PARL: variants seen among roughly 807,000 people sequenced by gnomAD.
The protein encoded by PARL is presenilin associated rhomboid like, also known as presenilin-associated rhomboid-like protein, mitochondrial.
PARL carries 44 observed loss-of-function variants against 51.6 expected under a neutral mutation model. The ratio of observed to expected loss-of-function variants is 0.85; its 90% CI spans 0.67 to 1.10. The LOEUF (loss-of-function observed/expected upper bound fraction) is 1.10. Ranked by LOEUF, PARL falls within the 50% of genes least tolerant of loss-of-function variation. The pLI, the probability that PARL is intolerant of heterozygous loss-of-function variation, is 0.00. For missense variants in PARL, 441 were observed against 469.5 expected, an observed-to-expected ratio of 0.94 and a Z score of 0.56; for synonymous variants, 172 against 164.0, an observed-to-expected ratio of 1.05 and a Z score of -0.37.
chr3:183,843,392 C>CA, intron 5 of PARL: 1 of 539,826 alleles, frequency 1.9e-6, no homozygotes, highest in Non-Finnish European at 2.4e-6. Context: ...TGGCATGCAC[C>CA]TGTAGTCCCA....
At position 183,875,595 on chromosome 3, in the gene PARL, G is replaced by C. The variant is rs909770830; in HGVS notation, c.126-7535C>G. On this transcript the variant is annotated intron_variant, in intron 1 of 9. Coordinates refer to ENST00000317096, the MANE Select transcript of PARL (RefSeq NM_018622.7). Reference sequence around the variant, plus strand: ...GGCTGAAAGAATTGAGGAAGCTGCAGGAAAAAAGTCTGAAGCTAGCAGAGG... The same window carrying C: ...GGCTGAAAGAATTGAGGAAGCTGCACGAAAAAAGTCTGAAGCTAGCAGAGG... Among the ~76,000 whole-genome samples the C allele has an allele frequency of 2.0e-5, 3 of 152,102 alleles. No homozygotes were observed. The South Asian group carries it at 6.2e-4, about 31-fold the overall frequency.
At chr3:183,831,271 C>T (rs931576806) in intron 9 of PARL, among the ~76,000 whole-genome samples, 1 of 152,176 alleles carries the variant, frequency 6.6e-6, no homozygotes, top group Non-Finnish European at 1.5e-5. Flanking sequence ...CCACTGCGCC[C>T]GGCCACCCAA....
intron 1 of PARL, among the ~76,000 whole-genome samples, chr3:183,870,637 T>C (rs1000734169): frequency 6.6e-6 from 1 of 152,144 alleles, no homozygotes; most frequent in Non-Finnish European, 1.5e-5. Flanking sequence ...ATCCTTCACA[T>C]TGTATTAAGC....
chr3:183,842,204 G>A (rs964425880), intron 6 of PARL, 94 bp downstream of exon 6: 18 of 1,186,814 alleles, frequency 1.5e-5, no homozygotes, highest in Admixed American at 6.7e-5. Flanking sequence ...CACTCACTAC[G>A]TGTAGAATAT....
At chr3:183,865,134 C>T (rs1371112104) in intron 3 of PARL, among the ~76,000 whole-genome samples, 1 of 151,970 alleles carries the variant, frequency 6.6e-6, no homozygotes, top group Non-Finnish European at 1.5e-5. Context: ...AAGTGAGACT[C>T]CTGTCTCCAC....
At position 183,835,589 on chromosome 3, in the gene PARL, G is replaced by A. The variant is rs529797954; in HGVS notation, c.829-1764C>T. On this transcript the variant is annotated intron_variant, in intron 7 of 9. Transcript: ENST00000317096. ...TGTGCAAGAGACTATAATTGTAGCC[G>A]GGCACGGTGGCTCACGCCTGTAATC... 4.6e-5 allele frequency among the ~76,000 whole-genome samples: 7 copies of A among 152,266 alleles called. No individual in the cohort carries two copies. In the South Asian group the frequency reaches 6.2e-4, roughly 14 times the overall value.
At chr3:183,844,736 G>T in intron 4 of PARL, 1 of 177,600 alleles carries the variant, frequency 5.6e-6, no homozygotes, top group Non-Finnish European at 1.2e-5. Flanking sequence ...CTCAGGGCAT[G>T]GTATGCTTCT....
At chr3:183,863,947 T>C (rs188418852) in intron 3 of PARL, among the ~76,000 whole-genome samples, 98 of 152,328 alleles carry the variant, frequency 6.4e-4, no homozygotes, top group Admixed American at 1.5e-3. Context: ...ATGTATACTG[T>C]TTGTATCATT....
chr3:183,846,265 G>A (rs1455255855), intron 4 of PARL, among the ~76,000 whole-genome samples: 2 of 152,070 alleles, frequency 1.3e-5, no homozygotes, highest in African/African-American at 2.4e-5. Flanking sequence ...AGGCTGAGGC[G>A]GACGGATCAC....
chr3:183,874,409 ATC>A, intron 1 of PARL, among the ~76,000 whole-genome samples: 1 of 121,628 alleles, frequency 8.2e-6, no homozygotes, highest in East Asian at 2.3e-4. Context: ...ATTAGAAATA[ATC>A]TTTTTTTTTT....
At chr3:183,880,897 C>A (rs976381961) in intron 1 of PARL, among the ~76,000 whole-genome samples, 2 of 152,106 alleles carry the variant, frequency 1.3e-5, no homozygotes, top group Non-Finnish European at 2.9e-5. Flanking sequence ...CTCACAGCAA[C>A]CTTCACCTTC....
intron 1 of PARL, among the ~76,000 whole-genome samples, chr3:183,880,683 T>C (rs1398411284): frequency 6.6e-6 from 1 of 152,088 alleles, no homozygotes; most frequent in Non-Finnish European, 1.5e-5. Context: ...ATTACAGGCA[T>C]GAGCCACTGT....
At position 183,829,439 on chromosome 3, in the gene PARL, T is replaced by C. The variant is rs115348507; in HGVS notation, c.*159A>G. 612 of 1,585,836 alleles carry C rather than the reference T, an allele frequency of 3.9e-4. 1 individual carries two copies. The African/African-American group carries it at 7.6e-3, about 20-fold the overall frequency. ...TTTCACAACTTTATCATCATTCACATTCTAAAAAGACACGGACTGGGGGAC... is the reference window on the plus strand; with the variant it reads ...TTTCACAACTTTATCATCATTCACACTCTAAAAAGACACGGACTGGGGGAC... On this transcript the variant is annotated 3_prime_UTR_variant, in exon 10 of 10. Coordinates refer to ENST00000317096, the MANE Select transcript of PARL (RefSeq NM_018622.7).
chr3:183,830,372 G>A (rs933413652), intron 9 of PARL, among the ~76,000 whole-genome samples: 3 of 152,224 alleles, frequency 2.0e-5, no homozygotes, highest in African/African-American at 7.2e-5. Flanking sequence ...ACCCGAGTCT[G>A]CTGCTGAAGC....
chr3:183,864,826 T>G (rs953419581), intron 3 of PARL, among the ~76,000 whole-genome samples: 1 of 151,200 alleles, frequency 6.6e-6, no homozygotes, highest in Non-Finnish European at 1.5e-5. Flanking sequence ...AAGCAAACAT[T>G]TTTAAGAAAT....
intron 6 of PARL, among the ~76,000 whole-genome samples, chr3:183,841,893 T>A: frequency 6.6e-6 from 1 of 152,136 alleles, no homozygotes; most frequent in Admixed American, 6.6e-5. Context: ...GGAAATGAGC[T>A]TGCTTAAGGT....
At chr3:183,881,320 C>T (rs1224235478) in intron 1 of PARL, among the ~76,000 whole-genome samples, 1 of 151,984 alleles carries the variant, frequency 6.6e-6, no homozygotes, top group Non-Finnish European at 1.5e-5. Context: ...CGGGTTTTCA[C>T]CATGTTGGCC....
At chr3:183,845,513 G>A (rs1189513782) in intron 4 of PARL, among the ~76,000 whole-genome samples, 1 of 152,168 alleles carries the variant, frequency 6.6e-6, no homozygotes, top group Non-Finnish European at 1.5e-5. Flanking sequence ...AGTTGTATCA[G>A]ATGTCTCACT....
intron 3 of PARL, among the ~76,000 whole-genome samples, chr3:183,863,810 C>T (rs1049311819): frequency 6.6e-6 from 1 of 152,076 alleles, no homozygotes. Flanking sequence ...GAAAGGGGTT[C>T]CCAGGACTTT....
Sources: allele counts gnomAD v4.1 joint callset (sites outside exome capture counted in the v4.1 genomes callset), GRCh38; gene constraint gnomAD v4.1.1; transcripts MANE v1.5; gene names NCBI Gene and HGNC (gene_info 2026-07-23, HGNC 2026-07-21).